TMCC1: variants seen among roughly 807,000 people sequenced by gnomAD.
TMCC1 encodes the protein transmembrane and coiled-coil domains protein 1.
Under a neutral mutation model 52.4 loss-of-function variants are expected in TMCC1, and 15 were observed. The observed-to-expected ratio is 0.29, with a 90% confidence interval of 0.19 to 0.44. TMCC1 has a LOEUF of 0.44. Among genes scored for constraint, TMCC1 ranks in the 20% least tolerant of loss-of-function variants. The pLI, the probability that TMCC1 is intolerant of heterozygous loss-of-function variation, is 1.00. For missense variants in TMCC1, 503 were observed against 806.0 expected, an observed-to-expected ratio of 0.62 and a Z score of 4.55; for synonymous variants, 279 against 301.9, an observed-to-expected ratio of 0.92 and a Z score of 0.79.
At chr3:129,708,446 TC>T (rs2048404306) in intron 4 of TMCC1, among the ~76,000 whole-genome samples, 2 of 152,102 alleles carry the variant, frequency 1.3e-5, no homozygotes, top group African/African-American at 4.8e-5. Context: ...GTAGTTTGCA[TC>T]CTGTTTGCTT....
At chr3:129,690,586 A>G (rs577576364) in intron 4 of TMCC1, among the ~76,000 whole-genome samples, 6 of 152,226 alleles carry the variant, frequency 3.9e-5, no homozygotes, top group Non-Finnish European at 5.9e-5. Flanking sequence ...ATGGGTTGTG[A>G]AAAAAAGGAA....
chr3:129,726,462 C>T (rs1025319428), intron 4 of TMCC1, among the ~76,000 whole-genome samples: 3 of 152,150 alleles, frequency 2.0e-5, no homozygotes, highest in Non-Finnish European at 4.4e-5. Flanking sequence ...GCATTCCTGC[C>T]ACTCTGGATT....
chr3:129,873,469 G>T (rs2061033531), intron 2 of TMCC1, among the ~76,000 whole-genome samples: 2 of 151,562 alleles, frequency 1.3e-5, no homozygotes, highest in East Asian at 3.9e-4. Flanking sequence ...ATTGCTTAAG[G>T]CCAGGAGTCT....
At chr3:129,886,612 T>C (rs1342306583) in intron 1 of TMCC1, among the ~76,000 whole-genome samples, 1 of 151,946 alleles carries the variant, frequency 6.6e-6, no homozygotes, top group Non-Finnish European at 1.5e-5. Context: ...ACAACATGGA[T>C]GAATAAAAAC....
At chr3:129,768,328 A>G (rs2054289119) in intron 4 of TMCC1, among the ~76,000 whole-genome samples, 1 of 152,232 alleles carries the variant, frequency 6.6e-6, no homozygotes, top group African/African-American at 2.4e-5. Context: ...AGGAGTCCCT[A>G]AATCCAAACA....
At chr3:129,781,951 G>A (rs889177864) in intron 4 of TMCC1, among the ~76,000 whole-genome samples, 28 of 152,042 alleles carry the variant, frequency 1.8e-4, no homozygotes, top group African/African-American at 6.8e-4. Context: ...CTGATATACT[G>A]GGAATAAGAA....
At chr3:129,807,714 A>G (rs10934894) in intron 4 of TMCC1, among the ~76,000 whole-genome samples, 12,757 of 152,270 alleles carry the variant, frequency 0.084, 719 homozygotes, top group East Asian at 0.19. Context: ...TACATGGGCA[A>G]TTTATTTACA....
chr3:129,735,283 A>T (rs1021141151), intron 4 of TMCC1, among the ~76,000 whole-genome samples: 1 of 152,140 alleles, frequency 6.6e-6, no homozygotes, highest in Non-Finnish European at 1.5e-5. Flanking sequence ...TAACATTCAA[A>T]TGTTTAATGA....
At chr3:129,695,308 T>TTTAAAGAC (rs2047333755) in intron 4 of TMCC1, among the ~76,000 whole-genome samples, 2 of 152,106 alleles carry the variant, frequency 1.3e-5, no homozygotes, top group Non-Finnish European at 2.9e-5. Context: ...AATCTTTGTC[T>TTTAAAGAC]TTGGCTAGGT....
intron 4 of TMCC1, among the ~76,000 whole-genome samples, chr3:129,792,178 A>ATC (rs1450866433): frequency 6.7e-6 from 1 of 149,730 alleles, no homozygotes; most frequent in East Asian, 1.9e-4. Context: ...TCAACTGTAT[A>ATC]TATATATATA....
In TMCC1 at chr3:129,706,035, C is replaced by T. The variant is rs143285449; in HGVS notation, c.577-34771G>A. ...CCTCCCAAGTAGCTGGGATTACAAG[C>T]GTGCGCCACCATGCCTGGCTAATTT... is the stretch of plus-strand genomic sequence containing the variant. On this transcript the variant is annotated intron_variant, in intron 4 of 6. Transcript: ENST00000393238. 6.9e-3 allele frequency among the ~76,000 whole-genome samples: 1,040 copies of T among 151,484 alleles called. 6 individuals carry two copies. Among genetic ancestry groups the T allele is most frequent in the Non-Finnish European group, 0.013 (849 of 67,880 alleles).
chr3:129,752,950 G>C (rs988474212), intron 4 of TMCC1, among the ~76,000 whole-genome samples: 1 of 152,124 alleles, frequency 6.6e-6, no homozygotes, highest in Non-Finnish European at 1.5e-5. Flanking sequence ...CAGCGGGAGA[G>C]AGACAGAAAG....
intron 4 of TMCC1, among the ~76,000 whole-genome samples, chr3:129,795,559 T>A (rs2056769455): frequency 6.6e-6 from 1 of 152,230 alleles, no homozygotes. Flanking sequence ...CTATGTGCAG[T>A]CACTATGTTA....
At chr3:129,889,921 TAAA>T (rs3042659) in intron 1 of TMCC1, among the ~76,000 whole-genome samples, 3 of 134,906 alleles carry the variant, frequency 2.2e-5, no homozygotes, top group Non-Finnish European at 1.6e-5. Context: ...GTAGCAAAGT[TAAA>T]AAAAAAAAAA....
At chr3:129,838,244 A>T (rs2059254448) in intron 2 of TMCC1, among the ~76,000 whole-genome samples, 1 of 151,922 alleles carries the variant, frequency 6.6e-6, no homozygotes, top group Admixed American at 6.6e-5. Flanking sequence ...ATCCCTAAAA[A>T]TAAACAAAAA....
At chr3:129,731,863 G>A (rs1400723179) in intron 4 of TMCC1, among the ~76,000 whole-genome samples, 3 of 152,020 alleles carry the variant, frequency 2.0e-5, no homozygotes, top group Admixed American at 2.0e-4. Context: ...GAGCTTAAAC[G>A]ATTCACCTGC....
chr3:129,716,330 T>A (rs1199176040), intron 4 of TMCC1, among the ~76,000 whole-genome samples: 1 of 21,078 alleles, frequency 4.7e-5, no homozygotes, highest in East Asian at 1.1e-3. Flanking sequence ...ACCTGGCAAA[T>A]TTTTTTTTTT....
At chr3:129,868,842 T>C (rs1484812371) in intron 2 of TMCC1, 1 of 152,154 alleles carries the variant, frequency 6.6e-6, no homozygotes, top group Admixed American at 6.5e-5. Flanking sequence ...AAGAAATATA[T>C]CAATGACCTA....
At chr3:129,871,090 G>A (rs1457228815) in intron 2 of TMCC1, among the ~76,000 whole-genome samples, 1 of 151,852 alleles carries the variant, frequency 6.6e-6, no homozygotes, top group Non-Finnish European at 1.5e-5. Context: ...TGGGCGCGGT[G>A]GCTCACACCT....
Sources: gnomAD v4.1 joint callset for allele counts (sites outside exome capture counted in the v4.1 genomes callset) on GRCh38, gnomAD v4.1.1 for gene constraint, MANE v1.5 for transcripts, NCBI Gene and HGNC (gene_info 2026-07-23, HGNC 2026-07-21) for gene names.